The following SUPT3H variants were observed in gnomAD, a reference collection of about 807,000 sequenced individuals.
SUPT3H encodes SPT3 homolog, SAGA and STAGA complex component.
A neutral mutation model predicts 44.3 loss-of-function variants in SUPT3H; 44 were observed. The ratio of observed to expected loss-of-function variants is 0.99; its 90% CI spans 0.78 to 1.28. SUPT3H has a LOEUF of 1.28. Ranked by LOEUF, SUPT3H falls within the 50% of genes most tolerant of loss-of-function variation. The probability of loss-of-function intolerance (pLI) is 0.00; values close to 1 mark genes in which losing one functional copy is unlikely to be tolerated. For synonymous variants in SUPT3H, 124 were observed against 125.6 expected, an observed-to-expected ratio of 0.99 and a Z score of 0.09; for missense variants, 380 against 387.1, an observed-to-expected ratio of 0.98 and a Z score of 0.15.
At chr6:45,171,768 A>AGTG (rs1418333169) in intron 2 of SUPT3H, among the ~76,000 whole-genome samples, 4 of 111,856 alleles carry the variant, frequency 3.6e-5, no homozygotes, top group Admixed American at 1.4e-4. Context: ...CCCAGGCTGG[A>AGTG]GTGCAGTGGT....
At position 44,991,403 on chromosome 6, in the gene SUPT3H, G is replaced by T. The variant is rs560579383; in HGVS notation, c.504+12250C>A. ...ATCATGAAAAGGAGAAGCCTGGTAG[G>T]ATCTGATCTGCCTTTTTGACTGATG... On this transcript the variant is annotated intron_variant, in intron 6 of 10. Transcript: ENST00000371459. Among the ~76,000 whole-genome samples, 307 of 152,202 alleles carry T rather than the reference G, an allele frequency of 2.0e-3. 2 individuals carry two copies. Among genetic ancestry groups the T allele is most frequent in the South Asian group, 0.016 (79 of 4,820 alleles).
intron 3 of SUPT3H, among the ~76,000 whole-genome samples, chr6:45,067,556 C>T (rs1292658645): frequency 1.3e-5 from 2 of 151,486 alleles, no homozygotes; most frequent in African/African-American, 2.4e-5. Flanking sequence ...ATTTTCACAA[C>T]CTACTCATCT....
chr6:45,038,440 T>G (rs1402251386), intron 3 of SUPT3H, among the ~76,000 whole-genome samples: 1 of 152,222 alleles, frequency 6.6e-6, no homozygotes, highest in African/African-American at 2.4e-5. Flanking sequence ...AGAGTAGCTA[T>G]TCATATTGAG....
intron 2 of SUPT3H, among the ~76,000 whole-genome samples, chr6:45,244,675 T>C (rs1771021844): frequency 6.6e-6 from 1 of 152,190 alleles, no homozygotes; most frequent in Non-Finnish European, 1.5e-5. Context: ...TGTAATTTTC[T>C]AACTCATTAC....
downstream of SUPT3H, among the ~76,000 whole-genome samples, chr6:44,824,914 A>G (rs1767627145): frequency 6.6e-6 from 1 of 152,234 alleles, no homozygotes; most frequent in Non-Finnish European, 1.5e-5. Flanking sequence ...TATGACTACT[A>G]TATAATTAAT....
chr6:45,013,373 C>T (rs1462303439), intron 5 of SUPT3H, among the ~76,000 whole-genome samples: 1 of 152,000 alleles, frequency 6.6e-6, no homozygotes, highest in Non-Finnish European at 1.5e-5. Context: ...CTTCCACACA[C>T]TCTGTTCCAA....
intron 7 of SUPT3H, 22 bp from the exon 8 acceptor site, chr6:44,954,629 G>C (rs1317417578): frequency 6.7e-7 from 1 of 1,490,792 alleles, no homozygotes; most frequent in Non-Finnish European, 9.3e-7. Context: ...AAAAAAACAA[G>C]TGCAGAAATT....
chr6:44,849,087 A>C (rs1236025696), intron 10 of SUPT3H, among the ~76,000 whole-genome samples: 1 of 152,240 alleles, frequency 6.6e-6, no homozygotes, highest in South Asian at 2.1e-4. Context: ...ACGTAATTTC[A>C]TGAAGTGCCT....
intron 2 of SUPT3H, among the ~76,000 whole-genome samples, chr6:45,229,506 G>A (rs1698130876): frequency 6.6e-6 from 1 of 151,998 alleles, no homozygotes; most frequent in South Asian, 2.1e-4. Context: ...TTACATTCCA[G>A]ACATAGATGG....
intron 2 of SUPT3H, among the ~76,000 whole-genome samples, chr6:45,160,038 T>G (rs894343477): frequency 5.3e-5 from 8 of 152,138 alleles, no homozygotes; most frequent in Non-Finnish European, 1.0e-4. Context: ...AATAGAACTT[T>G]AAAATAGTAT....
rs145856541 is a variant in SUPT3H, at chr6:45,279,537, C to T, written c.101+85664G>A. Among the ~76,000 whole-genome samples, 678 of 152,218 alleles carry T rather than the reference C, an allele frequency of 4.5e-3. 5 individuals carry two copies. The highest frequency in any genetic ancestry group is 0.016 in the African/African-American group (649 of 41,526). On this transcript the variant is annotated intron_variant, in intron 2 of 10. Coordinates refer to ENST00000371459, the MANE Select transcript of SUPT3H (RefSeq NM_003599.4). Reference sequence around the variant, plus strand: ...TTTTAAAAATGTGTAGCACCTCCCCCCTTTCTGAATTGCTCCTGCTCCTGC... The same window carrying T: ...TTTTAAAAATGTGTAGCACCTCCCCTCTTTCTGAATTGCTCCTGCTCCTGC...
intron 2 of SUPT3H, among the ~76,000 whole-genome samples, chr6:45,228,776 A>G (rs948754950): frequency 1.3e-5 from 2 of 152,054 alleles, no homozygotes; most frequent in African/African-American, 4.8e-5. Flanking sequence ...AGAAGCTGGG[A>G]CTACAGGCAT....
At chr6:45,178,404 G>T (rs1266568644) in intron 2 of SUPT3H, among the ~76,000 whole-genome samples, 2 of 152,052 alleles carry the variant, frequency 1.3e-5, no homozygotes, top group African/African-American at 2.4e-5. Flanking sequence ...GGACCACCCA[G>T]ATTCCTAAAG....
At chr6:44,941,751 A>C (rs943854180) in intron 9 of SUPT3H, among the ~76,000 whole-genome samples, 3 of 152,192 alleles carry the variant, frequency 2.0e-5, no homozygotes, top group Admixed American at 6.6e-5. Flanking sequence ...AGATATAACT[A>C]TACATCAAAT....
At chr6:45,311,343 G>C (rs1400642025) in intron 2 of SUPT3H, among the ~76,000 whole-genome samples, 1 of 152,166 alleles carries the variant, frequency 6.6e-6, no homozygotes, top group African/African-American at 2.4e-5. Context: ...AGAATAATCA[G>C]TGTTCCTGAG....
chr6:44,853,116 C>A (rs777451007), intron 10 of SUPT3H, among the ~76,000 whole-genome samples: 7 of 152,158 alleles, frequency 4.6e-5, no homozygotes, highest in Non-Finnish European at 2.9e-5. Context: ...TGTGTTTACT[C>A]TGTGCTTGGG....
At chr6:44,921,645 A>C (rs1768740681) in intron 10 of SUPT3H, among the ~76,000 whole-genome samples, 1 of 152,166 alleles carries the variant, frequency 6.6e-6, no homozygotes, top group Non-Finnish European at 1.5e-5. Context: ...ACTATAACTC[A>C]TTTACTTATT....
At chr6:45,014,962 A>G (rs1351351501) in intron 4 of SUPT3H, 71 bp from the exon 5 acceptor site, 7 of 880,368 alleles carry the variant, frequency 8.0e-6, no homozygotes, top group African/African-American at 1.7e-5. Flanking sequence ...AAAGACTACT[A>G]TAACCAAATT....
At chr6:45,048,457 A>G (rs1789779326) in intron 3 of SUPT3H, among the ~76,000 whole-genome samples, 1 of 152,026 alleles carries the variant, frequency 6.6e-6, no homozygotes, top group Non-Finnish European at 1.5e-5. Flanking sequence ...ATAAGAGTCT[A>G]ATTTCATTCT....
Sources: allele counts gnomAD v4.1 joint callset (sites outside exome capture counted in the v4.1 genomes callset), GRCh38; gene constraint gnomAD v4.1.1; transcripts MANE v1.5; gene names NCBI Gene and HGNC (gene_info 2026-07-23, HGNC 2026-07-21).